The following CAMK1D variants were observed in gnomAD, a reference collection of about 807,000 sequenced individuals.
CAMK1D encodes the protein calcium/calmodulin-dependent protein kinase type 1D.
In CAMK1D, 9 loss-of-function variants were observed where a neutral mutation model predicts 47.7. The observed-to-expected ratio is 0.19, with a 90% CI of 0.11 to 0.33. The LOEUF (loss-of-function observed/expected upper bound fraction) is 0.33. CAMK1D is among the 10% of genes least tolerant of loss of function. The pLI, the probability that CAMK1D is intolerant of heterozygous loss-of-function variation, is 1.00. For missense variants in CAMK1D, 291 were observed against 488.7 expected, an observed-to-expected ratio of 0.60 and a Z score of 3.81; for synonymous variants, 184 against 184.9, an observed-to-expected ratio of 0.99 and a Z score of 0.04.
At chr10:12,827,272 CTTTCTT>C (rs1833247169) in intron 10 of CAMK1D, among the ~76,000 whole-genome samples, 3 of 63,464 alleles carry the variant, frequency 4.7e-5, no homozygotes, top group Non-Finnish European at 1.1e-4. Context: ...CTTTCCTTCT[CTTTCTT>C]TTCTTTTTCT....
In CAMK1D at chr10:12,349,900, AC is replaced by A; in HGVS notation, c.85del (p.Leu29SerfsTer11). ...CAAGAAGATCTTCGAGTTCAAAGAGACCCTCGGAACGTAAGTGGGGACCGGG... is the reference window on the plus strand; with the variant it reads ...CAAGAAGATCTTCGAGTTCAAAGAGACCTCGGAACGTAAGTGGGGACCGGG... The part of the protein sequence containing the change: ...DIKKIFEFKE[T>X]LGTGAFSEVV... On this transcript the variant is annotated frameshift_variant, in exon 1 of 11. Transcript: ENST00000619168. LOFTEE classifies it high-confidence loss of function. 6.5e-7 allele frequency: 1 copy of A among 1,546,382 alleles called. No homozygotes were observed. Among genetic ancestry groups the A allele is most frequent in the African/African-American group, 1.4e-5 (1 of 70,166 alleles).
intron 1 of CAMK1D, among the ~76,000 whole-genome samples, chr10:12,462,692 C>T (rs1401602376): frequency 6.6e-6 from 1 of 151,990 alleles, no homozygotes; most frequent in African/African-American, 2.4e-5. Context: ...GTGGAGCTCT[C>T]ATTCTCTTTT....
rs910821551 is a variant in CAMK1D at position 12,666,665 on chromosome 10, A to G, written c.225-71A>G. ...TTCTGTTTTGTAACTTTTTGCTACA[A>G]TGCTGTCTGTTTTGAAACATTTTCC... On this transcript the variant is annotated intron_variant, in intron 2 of 10. Coordinates refer to ENST00000619168, the MANE Select transcript of CAMK1D (RefSeq NM_153498.4). 160 of 1,227,362 alleles carry G rather than the reference A, an allele frequency of 1.3e-4. 1 individual carries two copies. The Admixed American group carries it at 2.6e-3, about 20-fold the overall frequency. 76.0% of individuals were successfully genotyped at this position (1,227,362 alleles called of 1,614,324 possible). A position where few individuals can be genotyped will look rare whatever the true frequency, so the allele number is the denominator to read the frequency against.
chr10:12,592,069 C>T (rs936448707), intron 2 of CAMK1D, among the ~76,000 whole-genome samples: 2 of 152,170 alleles, frequency 1.3e-5, no homozygotes, highest in East Asian at 1.9e-4. Context: ...AAAACGCCCC[C>T]GTTGATTGCT....
At chr10:12,374,494 C>T (rs1295437866) in intron 1 of CAMK1D, among the ~76,000 whole-genome samples, 1 of 152,120 alleles carries the variant, frequency 6.6e-6, no homozygotes, top group Non-Finnish European at 1.5e-5. Flanking sequence ...CTTCCAGAGC[C>T]CACCACTGAT....
chr10:12,702,934 T>G (rs930920958), intron 3 of CAMK1D, among the ~76,000 whole-genome samples: 21 of 152,238 alleles, frequency 1.4e-4, no homozygotes, highest in Non-Finnish European at 2.8e-4. Context: ...CAGATTATAA[T>G]GCCAGTAACT....
chr10:12,636,998 GTC>G (rs1481872989), intron 2 of CAMK1D, among the ~76,000 whole-genome samples: 6 of 151,712 alleles, frequency 4.0e-5, no homozygotes, highest in Admixed American at 6.6e-5. Context: ...TTTTGATACA[GTC>G]TCTCTCTCTC....
chr10:12,398,436 C>A (rs1360249882), intron 1 of CAMK1D, among the ~76,000 whole-genome samples: 15 of 152,192 alleles, frequency 9.9e-5, no homozygotes, highest in Admixed American at 9.8e-4. Flanking sequence ...GCAACCGCTG[C>A]CTCCGGAGTT....
At chr10:12,776,708 C>T (rs1034661873) in intron 5 of CAMK1D, among the ~76,000 whole-genome samples, 2 of 150,718 alleles carry the variant, frequency 1.3e-5, no homozygotes, top group Non-Finnish European at 3.0e-5. Flanking sequence ...TCTAACCCAC[C>T]GATTTTCTCT....
intron 7 of CAMK1D, 69 bp from the exon 8 acceptor site, chr10:12,816,181 T>C: frequency 7.8e-7 from 1 of 1,282,530 alleles, no homozygotes; most frequent in Non-Finnish European, 1.1e-6. Context: ...CCTGAAGACC[T>C]GGTGGGATCA....
In CAMK1D at chr10:12,421,492, G is replaced by A. The variant is rs1840047010; in HGVS notation, c.92+71582G>A. On this transcript the variant is annotated intron_variant, in intron 1 of 10. Coordinates refer to ENST00000619168, the MANE Select transcript of CAMK1D (RefSeq NM_153498.4). Reference sequence around the variant, plus strand: ...TTCCACTGTCTCCCTTGGTCATGCTGGGCCATTTATCCAGGATTCTTTTTT... The same window carrying A: ...TTCCACTGTCTCCCTTGGTCATGCTAGGCCATTTATCCAGGATTCTTTTTT... Among the ~76,000 whole-genome samples the A allele has an allele frequency of 1.4e-5, 2 of 146,470 alleles. 1 individual carries two copies. The highest frequency in any genetic ancestry group is 4.3e-4 in the South Asian group (2 of 4,604).
chr10:12,604,755 A>C (rs748543255), intron 2 of CAMK1D, among the ~76,000 whole-genome samples: 29 of 152,144 alleles, frequency 1.9e-4, no homozygotes, highest in Non-Finnish European at 2.9e-4. Flanking sequence ...GGAGCTCCCA[A>C]AATAGAAGGA....
Position 12,515,888 on chromosome 10 carries a change from G to C in CAMK1D, c.93-37337G>C, listed in dbSNP as rs191927578. On this transcript the variant is annotated intron_variant, in intron 1 of 10. Transcript: ENST00000619168. ...GGCCTCCCAAAGCGTTGGGATTACA[G>C]GCGTGAGCCACCGTGCAGGGCCATA... Among the ~76,000 whole-genome samples the C allele has an allele frequency of 1.9e-4, 29 of 152,184 alleles. No individual in the cohort carries two copies. In the South Asian group the frequency reaches 5.6e-3, roughly 29 times the overall value.
intron 6 of CAMK1D, among the ~76,000 whole-genome samples, chr10:12,804,272 A>G (rs999321228): frequency 1.3e-5 from 2 of 152,246 alleles, no homozygotes; most frequent in Non-Finnish European, 2.9e-5. Context: ...TATTTCACAC[A>G]AAGTATTTCT....
At chr10:12,401,787 G>A (rs1203773421) in intron 1 of CAMK1D, among the ~76,000 whole-genome samples, 2 of 151,874 alleles carry the variant, frequency 1.3e-5, no homozygotes, top group Non-Finnish European at 2.9e-5. Context: ...ACAGAGGATG[G>A]ATGAATGAGA....
chr10:12,496,462 C>T (rs921650942), intron 1 of CAMK1D, among the ~76,000 whole-genome samples: 2 of 152,082 alleles, frequency 1.3e-5, no homozygotes, highest in African/African-American at 4.8e-5. Context: ...ACATGTCAGA[C>T]AGCAGAATGG....
intron 1 of CAMK1D, among the ~76,000 whole-genome samples, chr10:12,442,646 G>A (rs186472581): frequency 1.5e-3 from 224 of 152,292 alleles, no homozygotes; most frequent in African/African-American, 5.2e-3. Context: ...ATCTCAGCTT[G>A]AAAGACTTTC....
chr10:12,421,204 T>C (rs1053922376), intron 1 of CAMK1D, among the ~76,000 whole-genome samples: 3 of 152,288 alleles, frequency 2.0e-5, no homozygotes. Context: ...CATCCTAGGA[T>C]AGGAATCCCT....
intron 2 of CAMK1D, among the ~76,000 whole-genome samples, chr10:12,563,387 T>C (rs1212774625): frequency 6.6e-6 from 1 of 152,132 alleles, no homozygotes; most frequent in Non-Finnish European, 1.5e-5. Context: ...AATTGATTCT[T>C]CCTCTGCCTT....
Sources: gnomAD v4.1 joint callset for allele counts (sites outside exome capture counted in the v4.1 genomes callset) on GRCh38, gnomAD v4.1.1 for gene constraint, MANE v1.5 for transcripts, NCBI Gene and HGNC (gene_info 2026-07-23, HGNC 2026-07-21) for gene names.